Variants in SOS1 observed in about 807,000 individuals in gnomAD.
SOS1 encodes the protein son of sevenless homolog 1.
SOS1 carries 25 observed loss-of-function variants against 157.6 expected under a neutral mutation model. The observed-to-expected ratio is 0.16, with a 90% CI of 0.12 to 0.22. The LOEUF is 0.22. Ranked by LOEUF, SOS1 falls within the 10% of genes least tolerant of loss-of-function variation. The pLI is 1.00. For missense variants in SOS1, 1,237 were observed against 1,599.1 expected (o/e 0.77, Z 3.86); for synonymous variants, 528 against 534.0 (o/e 0.99, Z 0.16).
chr2:39,030,871 C>G (rs913083077), intron 8 of SOS1, among the ~76,000 whole-genome samples: 6 of 151,920 alleles, frequency 3.9e-5, no homozygotes, highest in Non-Finnish European at 7.4e-5. Context: ...GAAAGGAAAG[C>G]GAGATTTGGA....
intron 15 of SOS1, among the ~76,000 whole-genome samples, chr2:39,007,724 T>C (rs776403230): frequency 4.6e-5 from 7 of 152,196 alleles, no homozygotes; most frequent in Admixed American, 1.3e-4. Flanking sequence ...TGCACCAACC[T>C]AATATATAAT....
Position 39,015,186 on chromosome 2 carries a change from T to G in SOS1, c.1859-340A>C, listed in dbSNP as rs190775423. ...TACCAGGATCTCAAAGTATCACCAG[T>G]TGGTTTATCCCCCTTATAAAGAGAA... On this transcript the variant is annotated intron_variant, in intron 10 of 22. Coordinates refer to ENST00000402219, the MANE Select transcript of SOS1 (RefSeq NM_005633.4). Among the ~76,000 whole-genome samples, 15 of 151,860 alleles carry G rather than the reference T, an allele frequency of 9.9e-5. No individual in the cohort carries two copies. In the East Asian group the frequency reaches 1.9e-3, roughly 20 times the overall value.
At chr2:39,072,854 G>A (rs550595693) in intron 1 of SOS1, among the ~76,000 whole-genome samples, 6 of 152,004 alleles carry the variant, frequency 3.9e-5, no homozygotes, top group Admixed American at 2.6e-4. Flanking sequence ...TCAATAAATT[G>A]TTTTACCCCC....
chr2:38,987,479 T>C lies in SOS1; in HGVS notation c.3504A>G (p.Pro1168=), dbSNP rs748617507. The part of the protein sequence containing the change: ...RPESAPAESS[P]SKIMSKHLDS... ...ACAAGATTTCTTACTTTACCTTAGA[T>C]GGTGAAGATTCTGCTGGGGCAGATT... The change falls in exon 22 of 23, where the codon CCA becomes CCG. Residue 1168 remains proline, a synonymous_variant. Transcript: ENST00000402219. The C allele has an allele frequency of 5.3e-6, 8 of 1,521,470 alleles. No homozygotes were observed. The highest frequency in any genetic ancestry group is 7.3e-6 in the Non-Finnish European group (8 of 1,098,766). The allele number at this position is 1,521,470 out of a possible 1,614,324, so 94.2% of individuals were successfully genotyped here. A position where few individuals can be genotyped will look rare whatever the true frequency, so the allele number is the denominator to read the frequency against.
At chr2:39,089,382 A>T (rs1034956949) in intron 1 of SOS1, among the ~76,000 whole-genome samples, 1 of 152,080 alleles carries the variant, frequency 6.6e-6, no homozygotes, top group African/African-American at 2.4e-5. Flanking sequence ...AATACAAAAA[A>T]TTAGCCAGGC....
At chr2:38,988,687 G>GAAT (rs1199059524) in intron 21 of SOS1, among the ~76,000 whole-genome samples, 6 of 152,048 alleles carry the variant, frequency 3.9e-5, no homozygotes, top group African/African-American at 1.2e-4. Context: ...TGTATGAAAG[G>GAAT]ACAGCAAAAA....
At chr2:39,104,991 T>C (rs1390727374) in intron 1 of SOS1, among the ~76,000 whole-genome samples, 2 of 152,156 alleles carry the variant, frequency 1.3e-5, no homozygotes, top group Admixed American at 1.3e-4. Flanking sequence ...GTGGTTAAAA[T>C]GGCAAATTTA....
rs530785606 is a variant in SOS1 at position 39,118,267 on chromosome 2, A to G, written c.87+2069T>C. ...CCAAAGAGCCTCAGGTAAGAGTAAG[A>G]GAACACAAGTCGGATGTATCTACGA... is the stretch of plus-strand genomic sequence containing the variant. On this transcript the variant is annotated intron_variant, in intron 1 of 22. Transcript: ENST00000402219. 2.0e-5 allele frequency among the ~76,000 whole-genome samples: 3 copies of G among 152,374 alleles called. No homozygotes were observed. In the South Asian group the frequency reaches 6.2e-4, roughly 32 times the overall value.
chr2:39,075,690 C>T (rs1435537138), intron 1 of SOS1, among the ~76,000 whole-genome samples: 1 of 151,398 alleles, frequency 6.6e-6, no homozygotes, highest in Non-Finnish European at 1.5e-5. Context: ...AAAGTTGACA[C>T]TTTGAAAAGT....
chr2:39,027,130 G>A (rs1669989162), intron 8 of SOS1, among the ~76,000 whole-genome samples: 1 of 151,986 alleles, frequency 6.6e-6, no homozygotes, highest in Non-Finnish European at 1.5e-5. Context: ...ATTTTGTCCT[G>A]GATACATTTT....
rs1349777222 is a variant in SOS1 at position 38,986,272 on chromosome 2, C to T, written c.3554G>A (p.Arg1185Lys). The T allele has an allele frequency of 6.2e-7, 1 of 1,613,262 alleles. No individual in the cohort carries two copies. Among genetic ancestry groups the T allele is most frequent in the East Asian group, 2.2e-5 (1 of 44,854 alleles). ...TGAATAGGCTTTTGATGTGGGTTGC[C>T]TAGGAGGAATGGCTGGGGGACTGTC... ...HLDSPPAIPP[R>K]QPTSKAYSPR... Residue 1185 changes from arginine to lysine, a missense_variant, in exon 23 of 23, where the codon AGG becomes AAG. This residue lies in a region of SOS1 where 306 missense variants were observed against 322.6 expected (regional missense o/e 0.95). Coordinates refer to ENST00000402219, the MANE Select transcript of SOS1 (RefSeq NM_005633.4).
chr2:38,988,800 T>G (rs964140421), intron 21 of SOS1, among the ~76,000 whole-genome samples: 1 of 152,162 alleles, frequency 6.6e-6, no homozygotes, highest in Admixed American at 6.6e-5. Flanking sequence ...TAGGCTATAC[T>G]TTGAATAATT....
At position 39,013,443 on chromosome 2, in the gene SOS1, TAAA is replaced by T; in HGVS notation, c.2167+14_2167+16del. ...TTTATTACATATAAAACTAGGCACC[TAAA>T]AAAAAAAACATACCTCTTACTGTTC... On this transcript the variant is annotated intron_variant, in intron 13 of 22. Coordinates refer to ENST00000402219, the MANE Select transcript of SOS1 (RefSeq NM_005633.4). The T allele has an allele frequency of 8.8e-7, 1 of 1,137,136 alleles. No homozygotes were observed. The highest frequency in any genetic ancestry group is 1.3e-6 in the Non-Finnish European group (1 of 798,516). The allele number at this position is 1,137,136 out of a possible 1,614,324, so 70.4% of individuals were successfully genotyped here.
At chr2:39,061,806 T>G (rs1217343621) in intron 2 of SOS1, among the ~76,000 whole-genome samples, 1 of 152,190 alleles carries the variant, frequency 6.6e-6, no homozygotes, top group Non-Finnish European at 1.5e-5. Flanking sequence ...AATGAGAAAC[T>G]CTATCTTGAT....
At position 38,987,536 on chromosome 2, in the gene SOS1, G is replaced by A. The variant is rs1456484431; in HGVS notation, c.3447C>T (p.Val1149=). 2.5e-6 allele frequency: 4 copies of A among 1,606,184 alleles called. No homozygotes were observed. Among genetic ancestry groups the A allele is most frequent in the East Asian group, 4.5e-5 (2 of 44,746 alleles). ...GTCTTCGTGGAGGAACAGGAGGAGG[G>A]ACAGGCACTTCATCAGTGCCTTTGG... The part of the protein sequence containing the change: ...SLTKGTDEVP[V]PPPVPPRRRP... Residue 1149 remains valine (V), a synonymous_variant, in exon 22 of 23, where the codon GTC becomes GTT. Transcript: ENST00000402219.
At chr2:39,076,220 CA>C (rs1472421409) in intron 1 of SOS1, among the ~76,000 whole-genome samples, 2 of 151,930 alleles carry the variant, frequency 1.3e-5, no homozygotes, top group Non-Finnish European at 2.9e-5. Flanking sequence ...GGTAACAAGG[CA>C]AAAACCGATC....
chr2:39,099,871 C>T (rs1476431414), intron 1 of SOS1, among the ~76,000 whole-genome samples: 1 of 152,014 alleles, frequency 6.6e-6, no homozygotes, highest in African/African-American at 2.4e-5. Flanking sequence ...CTGGAGTAGC[C>T]GGGATTACGG....
At position 38,986,131 on chromosome 2, in the gene SOS1, T is replaced by C. The variant is rs1558455030; in HGVS notation, c.3695A>G (p.His1232Arg). Reference sequence around the variant, plus strand: ...TTTGCCCAAAGGGGGAGGTTGGAGATGTAGTGGTGAGCTTGAGAAAACATC... The same window carrying C: ...TTTGCCCAAAGGGGGAGGTTGGAGACGTAGTGGTGAGCTTGAGAAAACATC... ...TPDVFSSSPL[H>R]LQPPPLGKKS... Residue 1232 changes from histidine to arginine, a missense_variant, in exon 23 of 23, where the codon CAT (histidine) becomes CGT (arginine). Physicochemically the swap from His to Arg is conservative, Grantham distance 29. Transcript: ENST00000402219. The C allele has an allele frequency of 6.2e-7, 1 of 1,613,580 alleles. No individual in the cohort carries two copies. Among genetic ancestry groups the C allele is most frequent in the Non-Finnish European group, 8.5e-7 (1 of 1,179,808 alleles).
At chr2:39,045,779 G>T (rs192524851) in intron 6 of SOS1, among the ~76,000 whole-genome samples, 23 of 152,254 alleles carry the variant, frequency 1.5e-4, no homozygotes, top group Admixed American at 7.2e-4. Context: ...GCATGATCTA[G>T]GCTCACCGCA....
Sources: gnomAD v4.1 joint callset for allele counts (sites outside exome capture counted in the v4.1 genomes callset) on GRCh38, gnomAD v4.1.1 for gene constraint, gnomAD v4.1.1 regional missense constraint, MANE v1.5 for transcripts, NCBI Gene and HGNC (gene_info 2026-07-23, HGNC 2026-07-21) for gene names.